Variants in DNAAF4 observed in about 807,000 individuals in gnomAD.
The protein encoded by DNAAF4 is dynein axonemal assembly factor 4.
In DNAAF4, 43 loss-of-function variants were observed where a neutral mutation model predicts 51.8. The observed-to-expected ratio is 0.83, with a 90% CI of 0.65 to 1.07. The LOEUF is 1.07. Ranked by LOEUF, DNAAF4 falls within the 50% of genes least tolerant of loss-of-function variation. The probability of loss-of-function intolerance (pLI) is 0.00; values close to 1 mark genes in which losing one functional copy is unlikely to be tolerated. For synonymous variants in DNAAF4, 194 were observed against 165.6 expected (o/e 1.17, Z -1.32); for missense variants, 581 against 493.0 (o/e 1.18, Z -1.69).
At chr15:55,431,576 G>T (rs781776954) in intron 9 of DNAAF4, among the ~76,000 whole-genome samples, 1 of 150,268 alleles carries the variant, frequency 6.7e-6, no homozygotes, top group Admixed American at 6.7e-5. Flanking sequence ...CCGGGTTCAC[G>T]CCATTCTCTG....
At chr15:55,421,780 T>C (rs974342842) in intron 7 of DNAAF4, among the ~76,000 whole-genome samples, 2 of 151,770 alleles carry the variant, frequency 1.3e-5, no homozygotes, top group East Asian at 3.9e-4. Flanking sequence ...TCCCAGCTAC[T>C]TGGGAGTCTG....
chr15:55,506,564 AG>A (rs2058728373), intron 1 of DNAAF4, among the ~76,000 whole-genome samples: 2 of 152,004 alleles, frequency 1.3e-5, no homozygotes, highest in South Asian at 2.1e-4. Context: ...TCTGGGTTTC[AG>A]GGGTGGGTGG....
intron 5 of DNAAF4, among the ~76,000 whole-genome samples, chr15:55,456,319 T>A (rs1296308093): frequency 1.3e-5 from 2 of 152,138 alleles, no homozygotes; most frequent in Non-Finnish European, 2.9e-5. Context: ...CGACTTCAGG[T>A]GATCTGCCCG....
At chr15:55,436,970 G>A (rs946321420) in intron 7 of DNAAF4, among the ~76,000 whole-genome samples, 2 of 151,962 alleles carry the variant, frequency 1.3e-5, no homozygotes, top group Non-Finnish European at 2.9e-5. Context: ...ACAGGTATGC[G>A]CCACCACACC....
intron 4 of DNAAF4, among the ~76,000 whole-genome samples, chr15:55,477,644 G>A (rs2058353626): frequency 8.4e-6 from 1 of 119,348 alleles, no homozygotes; most frequent in African/African-American, 3.5e-5. Context: ...ATGTATGTAT[G>A]TATGCGTGTG....
chr15:55,449,135 G>A (rs2057890962), intron 6 of DNAAF4, among the ~76,000 whole-genome samples: 1 of 150,080 alleles, frequency 6.7e-6, no homozygotes, highest in Admixed American at 6.6e-5. Flanking sequence ...GATTACAGGT[G>A]CCTGCCACCA....
At chr15:55,488,833 A>T (rs927948196) in intron 4 of DNAAF4, among the ~76,000 whole-genome samples, 1 of 152,220 alleles carries the variant, frequency 6.6e-6, no homozygotes, top group Non-Finnish European at 1.5e-5. Context: ...TCACACCTGT[A>T]ATCCCAGCAC....
intron 4 of DNAAF4, among the ~76,000 whole-genome samples, chr15:55,483,559 G>C (rs2058440767): frequency 6.6e-6 from 1 of 152,010 alleles, no homozygotes; most frequent in Admixed American, 6.6e-5. Flanking sequence ...TTTTGTTTTT[G>C]AAATGGAGTC....
chr15:55,499,218 G>C (rs2058679031), intron 1 of DNAAF4, among the ~76,000 whole-genome samples: 1 of 152,182 alleles, frequency 6.6e-6, no homozygotes, highest in African/African-American at 2.4e-5. Flanking sequence ...ATTTAAAATA[G>C]AGACACGTGG....
At chr15:55,420,045 T>C (rs534762317) in intron 7 of DNAAF4, among the ~76,000 whole-genome samples, 2 of 152,200 alleles carry the variant, frequency 1.3e-5, no homozygotes, top group African/African-American at 4.8e-5. Context: ...AGAATGAGAT[T>C]AGCAAATTAA....
chr15:55,444,394 T>C (rs1351927281), intron 6 of DNAAF4, among the ~76,000 whole-genome samples: 2 of 152,220 alleles, frequency 1.3e-5, no homozygotes, highest in Non-Finnish European at 2.9e-5. Context: ...TTCTGTTCCA[T>C]TGGTCTATAT....
chr15:55,466,457 G>T (rs1382322765), intron 5 of DNAAF4, among the ~76,000 whole-genome samples: 1 of 152,014 alleles, frequency 6.6e-6, no homozygotes, highest in African/African-American at 2.4e-5. Context: ...ATCTGTTTTT[G>T]AATACACCAA....
chr15:55,469,732 C>T lies in DNAAF4; in HGVS notation c.406-2571G>A, dbSNP rs190851457. Among the ~76,000 whole-genome samples, 71 of 151,804 alleles carry T rather than the reference C, an allele frequency of 4.7e-4. No individual in the cohort carries two copies. The East Asian group carries it at 7.4e-3, about 16-fold the overall frequency. On this transcript the variant is annotated intron_variant, in intron 4 of 9. Transcript: ENST00000321149. ...GTCTCGATCTCCTGACCTCGTGATCCGCCCACCTTGACCTCCCAAAGTGCT... is the reference window on the plus strand; with the variant it reads ...GTCTCGATCTCCTGACCTCGTGATCTGCCCACCTTGACCTCCCAAAGTGCT...
At chr15:55,442,691 G>C in intron 6 of DNAAF4, 1 of 1,461,934 alleles carries the variant, frequency 6.8e-7, no homozygotes, top group Non-Finnish European at 9.6e-7. Flanking sequence ...TCTGAATATA[G>C]GGTCTTCTCA....
Position 55,446,303 on chromosome 15 carries a change from G to GGT in DNAAF4, c.783+3918_783+3919insAC, listed in dbSNP as rs1555415285. Among the ~76,000 whole-genome samples, 7 of 109,028 alleles carry GGT rather than the reference G, an allele frequency of 6.4e-5. 2 individuals carry two copies. Among genetic ancestry groups the GGT allele is most frequent in the Non-Finnish European group, 7.4e-5 (4 of 54,330 alleles). The allele number at this position is 109,028 out of a possible 152,430, so 71.5% of individuals were successfully genotyped here. On this transcript the variant is annotated intron_variant, in intron 6 of 9. Coordinates refer to ENST00000321149, the MANE Select transcript of DNAAF4 (RefSeq NM_130810.4). ...CGCTCCTCACATCCCAGACGGGGGG[G>GGT]GGGGGCAGCTGGGCAGAGGCACTCC...
chr15:55,476,831 G>A (rs1818743147), intron 4 of DNAAF4, among the ~76,000 whole-genome samples: 2 of 152,176 alleles, frequency 1.3e-5, no homozygotes, highest in African/African-American at 2.4e-5. Context: ...AGAGAATAGA[G>A]AGTTATTGTT....
chr15:55,437,172 T>C (rs1393897067), intron 7 of DNAAF4, among the ~76,000 whole-genome samples: 1 of 152,184 alleles, frequency 6.6e-6, no homozygotes, highest in Non-Finnish European at 1.5e-5. Flanking sequence ...TTTTAAATAT[T>C]TGTGTACGTC....
intron 6 of DNAAF4, chr15:55,443,251 G>A (rs1299614286): frequency 3.1e-6 from 5 of 1,603,042 alleles, no homozygotes; most frequent in Non-Finnish European, 2.6e-6. Flanking sequence ...AGAAGAAAAT[G>A]ACCTCAGCGC....
downstream of DNAAF4, among the ~76,000 whole-genome samples, chr15:55,428,496 T>TC (rs2057454063): frequency 7.5e-6 from 1 of 133,498 alleles, no homozygotes; most frequent in Non-Finnish European, 1.6e-5. Flanking sequence ...TTTTTTTTTT[T>TC]TTTTTTTTTT....
Sources: gnomAD v4.1 joint callset for allele counts (sites outside exome capture counted in the v4.1 genomes callset) on GRCh38, gnomAD v4.1.1 for gene constraint, MANE v1.5 for transcripts, NCBI Gene and HGNC (gene_info 2026-07-23, HGNC 2026-07-21) for gene names.